ZZEF1: variants seen among roughly 807,000 people sequenced by gnomAD.
The protein encoded by ZZEF1 is zinc finger ZZ-type and EF-hand domain containing 1, also known as zinc finger ZZ-type and EF-hand domain-containing protein 1.
In ZZEF1, 157 loss-of-function variants were observed where a neutral mutation model predicts 342.8. That is an observed-to-expected ratio of 0.46 (90% CI 0.40 to 0.52). ZZEF1 has a LOEUF of 0.52. Ranked by LOEUF, ZZEF1 falls within the 20% of genes least tolerant of loss-of-function variation. The pLI, the probability that ZZEF1 is intolerant of heterozygous loss-of-function variation, is 0.00. For synonymous variants in ZZEF1, 1,505 were observed against 1,429.1 expected (o/e 1.05, Z -1.20); for missense variants, 3,480 against 3,725.6 (o/e 0.93, Z 1.72).
At chr17:4,066,321 C>T (rs1225841947) in intron 28 of ZZEF1, 126 bp downstream of exon 28, 14 of 772,916 alleles carry the variant, frequency 1.8e-5, no homozygotes, top group Middle Eastern at 3.1e-4. Flanking sequence ...TATTTAGCAT[C>T]TGTGTTACTT....
chr17:4,046,287 C>T (rs1255850306), intron 37 of ZZEF1, among the ~76,000 whole-genome samples: 1 of 152,180 alleles, frequency 6.6e-6, no homozygotes, highest in Non-Finnish European at 1.5e-5. Context: ...TGACAGCTGT[C>T]AGCTGCATTT....
intron 28 of ZZEF1, among the ~76,000 whole-genome samples, chr17:4,065,639 A>T (rs1156255020): frequency 6.6e-6 from 1 of 152,094 alleles, no homozygotes; most frequent in Non-Finnish European, 1.5e-5. Context: ...ACTCACGGCC[A>T]ATCTTGTTTC....
At position 4,142,947 on chromosome 17, in the gene ZZEF1, G is replaced by A. The variant is rs1442051923; in HGVS notation, c.-52C>T. Reference sequence around the variant, plus strand: ...CTGCAGCCGCCGCCGCCGCCTCCCCGCCTCGACCTGTCAACCTCCGACAGC... The same window carrying A: ...CTGCAGCCGCCGCCGCCGCCTCCCCACCTCGACCTGTCAACCTCCGACAGC... On this transcript the variant is annotated 5_prime_UTR_variant, in exon 1 of 55. Coordinates refer to ENST00000381638, the MANE Select transcript of ZZEF1 (RefSeq NM_015113.4). 7.7e-6 allele frequency: 10 copies of A among 1,301,560 alleles called. No homozygotes were observed. The highest frequency in any genetic ancestry group is 4.2e-5 in the Admixed American group (1 of 23,870). 80.6% of individuals were successfully genotyped at this position (1,301,560 alleles called of 1,614,324 possible).
At chr17:4,088,921 G>A (rs368919931) in intron 12 of ZZEF1, 28 bp from the exon 13 acceptor site, 25 of 1,604,502 alleles carry the variant, frequency 1.6e-5, no homozygotes, top group African/African-American at 2.7e-5. Flanking sequence ...GATTTCAATA[G>A]AAGAACTCAG....
intron 18 of ZZEF1, among the ~76,000 whole-genome samples, chr17:4,080,408 T>TG (rs1175702586): frequency 1.3e-5 from 2 of 152,114 alleles, no homozygotes; most frequent in Non-Finnish European, 2.9e-5. Context: ...GGCGCGATCT[T>TG]GGCTCACTAC....
intron 1 of ZZEF1, among the ~76,000 whole-genome samples, chr17:4,128,037 T>C (rs1306949572): frequency 6.6e-6 from 1 of 151,844 alleles, no homozygotes; most frequent in Non-Finnish European, 1.5e-5. Context: ...AGCCTTAACA[T>C]AAAACTCAGA....
chr17:4,061,980 TC>T (rs2057295384), intron 30 of ZZEF1, among the ~76,000 whole-genome samples: 1 of 152,216 alleles, frequency 6.6e-6, no homozygotes, highest in East Asian at 1.9e-4. Flanking sequence ...TCCAGTGGTT[TC>T]CCAACTACAA....
intron 28 of ZZEF1, among the ~76,000 whole-genome samples, chr17:4,065,345 C>T (rs9905748): frequency 0.2 from 30,623 of 150,998 alleles, 3,234 homozygotes; most frequent in African/African-American, 0.26. Context: ...TGCAGTGAGC[C>T]GAGATCATGC....
chr17:4,120,129 G>A (rs918176852), intron 2 of ZZEF1, among the ~76,000 whole-genome samples: 4 of 152,066 alleles, frequency 2.6e-5, no homozygotes, highest in African/African-American at 9.7e-5. Flanking sequence ...AGGCCAAGGC[G>A]GGCAGATCAC....
chr17:4,134,226 G>C (rs2058712471), intron 1 of ZZEF1, among the ~76,000 whole-genome samples: 1 of 151,228 alleles, frequency 6.6e-6, no homozygotes, highest in East Asian at 1.9e-4. Context: ...GGCTGAGGTG[G>C]GAGGACCGCT....
chr17:4,039,341 GC>G (rs1223651866), intron 39 of ZZEF1, among the ~76,000 whole-genome samples: 1 of 151,922 alleles, frequency 6.6e-6, no homozygotes, highest in African/African-American at 2.4e-5. Context: ...ATGGTGGCAT[GC>G]GCCTGTAATC....
At chr17:4,025,167 A>C (rs2056375683) in intron 42 of ZZEF1, 49 bp from the exon 43 acceptor site, 3 of 1,562,694 alleles carry the variant, frequency 1.9e-6, no homozygotes, top group African/African-American at 1.3e-5. Flanking sequence ...AGTACAGTTC[A>C]TGCTTCCAGC....
chr17:4,048,150 T>C (rs1758542148), intron 37 of ZZEF1, among the ~76,000 whole-genome samples: 1 of 152,138 alleles, frequency 6.6e-6, no homozygotes, highest in Non-Finnish European at 1.5e-5. Context: ...TTAATCCCAT[T>C]TCTCCTAACA....
intron 2 of ZZEF1, among the ~76,000 whole-genome samples, chr17:4,122,455 T>C (rs1374462889): frequency 2.6e-5 from 4 of 152,034 alleles, no homozygotes; most frequent in African/African-American, 9.7e-5. Flanking sequence ...CTCAGCTCAC[T>C]GCAACCACCA....
intron 37 of ZZEF1, among the ~76,000 whole-genome samples, chr17:4,044,785 G>A (rs1320917153): frequency 6.6e-6 from 1 of 151,902 alleles, no homozygotes; most frequent in Non-Finnish European, 1.5e-5. Flanking sequence ...TTTAAGTGCT[G>A]GGATTACAGG....
intron 1 of ZZEF1, among the ~76,000 whole-genome samples, chr17:4,134,210 C>G (rs947604826): frequency 1.3e-5 from 2 of 151,198 alleles, no homozygotes; most frequent in African/African-American, 4.9e-5. Flanking sequence ...GGTTTGCTAC[C>G]CAGGAGGCTG....
At position 4,017,692 on chromosome 17, in the gene ZZEF1, C is replaced by T. The variant is rs563397838; in HGVS notation, c.7680G>A (p.Ser2560=). Residue 2560 remains serine, a synonymous_variant, in exon 48 of 55, where the codon TCG becomes TCA. Transcript: ENST00000381638. The surrounding 1 kb of genome is among the most constrained non-coding windows in gnomAD (Gnocchi z 5.1). ...AGATCAGCTTCTGGGTCACAGGGTT[C>T]GATTCAGCAGTGGCTTGGTCACAGC... The part of the protein sequence containing the change: ...PARCDQATAE[S]NPVTQKLISS... 14 of 1,613,422 alleles carry T rather than the reference C, an allele frequency of 8.7e-6. No homozygotes were observed. The South Asian group carries it at 8.8e-5, about 10-fold the overall frequency.
At chr17:4,116,452 C>T (rs561881899) in intron 3 of ZZEF1, among the ~76,000 whole-genome samples, 2 of 152,350 alleles carry the variant, frequency 1.3e-5, no homozygotes, top group South Asian at 4.1e-4. Context: ...ATATCGGCGT[C>T]TATGCCTGGG....
chr17:4,095,448 G>C (rs1361212221), intron 11 of ZZEF1, among the ~76,000 whole-genome samples: 1 of 152,176 alleles, frequency 6.6e-6, no homozygotes, highest in African/African-American at 2.4e-5. Context: ...TCAGCACCTA[G>C]CATCAGGCCT....
Sources: gnomAD v4.1 joint callset for allele counts (sites outside exome capture counted in the v4.1 genomes callset) on GRCh38, gnomAD v4.1.1 for gene constraint, Gnocchi (gnomAD v3.1) non-coding constraint, MANE v1.5 for transcripts, NCBI Gene and HGNC (gene_info 2026-07-23, HGNC 2026-07-21) for gene names.